Variants in RAD51B observed in about 807,000 individuals in gnomAD.
RAD51B encodes the protein RAD51 paralog B.
A neutral mutation model predicts 42.2 loss-of-function variants in RAD51B; 38 were observed. That is an observed-to-expected ratio of 0.90 (90% CI 0.70 to 1.18). The LOEUF (loss-of-function observed/expected upper bound fraction) is 1.18, where lower values mean the gene tolerates loss of function less well. RAD51B is among the 50% of genes most tolerant of loss of function. RAD51B has a pLI of 0.00. For missense variants in RAD51B, 373 were observed against 400.7 expected, an observed-to-expected ratio of 0.93 and a Z score of 0.59; for synonymous variants, 154 against 145.2, an observed-to-expected ratio of 1.06 and a Z score of -0.43.
chr14:68,231,150 G>A (rs1224279903), intron 7 of RAD51B, among the ~76,000 whole-genome samples: 4 of 152,204 alleles, frequency 2.6e-5, no homozygotes, highest in Non-Finnish European at 4.4e-5. Context: ...ATTTTAAAAG[G>A]AGGATGACAC....
At chr14:67,993,982 C>G (rs1320179126) in intron 7 of RAD51B, among the ~76,000 whole-genome samples, 1 of 152,116 alleles carries the variant, frequency 6.6e-6, no homozygotes, top group South Asian at 2.1e-4. Context: ...TATATAATAA[C>G]AGCTGTATTA....
At chr14:67,823,391 A>G in intron 1 of RAD51B, 151 bp from the exon 2 acceptor site, 1 of 567,486 alleles carries the variant, frequency 1.8e-6, no homozygotes, top group South Asian at 2.6e-5. Flanking sequence ...GCATTCCTTT[A>G]TCAGTAATAT....
chr14:68,352,795 G>C (rs1283775944), intron 8 of RAD51B, among the ~76,000 whole-genome samples: 1 of 152,296 alleles, frequency 6.6e-6, no homozygotes, highest in Non-Finnish European at 1.5e-5. Flanking sequence ...GTTCTTCTAA[G>C]TCTGTGCTTG....
At chr14:68,382,466 C>T (rs1242279161) in intron 8 of RAD51B, among the ~76,000 whole-genome samples, 1 of 151,444 alleles carries the variant, frequency 6.6e-6, no homozygotes, top group Non-Finnish European at 1.5e-5. Flanking sequence ...GGGTTCTACT[C>T]CAGACATTCC....
exon 11 of RAD51B, chr14:68,594,655 C>T: frequency 7.8e-7 from 1 of 1,281,350 alleles, no homozygotes; most frequent in Admixed American, 2.4e-5. Context: ...TCTCAAACTC[C>T]TGGCTTCAAG....
At chr14:67,851,660 A>G (rs1386331459) in intron 4 of RAD51B, among the ~76,000 whole-genome samples, 3 of 151,582 alleles carry the variant, frequency 2.0e-5, no homozygotes. Context: ...TGGGGGGTGT[A>G]CCTGGGAAGA....
At chr14:68,564,342 G>A (rs2140026019) in intron 10 of RAD51B, among the ~76,000 whole-genome samples, 1 of 152,336 alleles carries the variant, frequency 6.6e-6, no homozygotes, top group Admixed American at 6.5e-5. Context: ...CAGCTTGGCT[G>A]GTCTCCTTTT....
intron 8 of RAD51B, among the ~76,000 whole-genome samples, chr14:68,305,504 G>A (rs1285325909): frequency 6.6e-6 from 1 of 152,186 alleles, no homozygotes; most frequent in African/African-American, 2.4e-5. Context: ...GTTACAAAAA[G>A]AAGGAAAATC....
intron 9 of RAD51B, among the ~76,000 whole-genome samples, chr14:68,433,229 G>A (rs2085058170): frequency 6.6e-6 from 1 of 152,098 alleles, no homozygotes; most frequent in Non-Finnish European, 1.5e-5. Context: ...ATGTGTCTTG[G>A]AGTTGCTCTT....
chr14:68,113,451 A>G (rs1376644884), intron 7 of RAD51B, among the ~76,000 whole-genome samples: 1 of 152,128 alleles, frequency 6.6e-6, no homozygotes, highest in African/African-American at 2.4e-5. Context: ...CTCTCAATGT[A>G]AATGTGATAC....
intron 7 of RAD51B, among the ~76,000 whole-genome samples, chr14:68,040,265 G>A (rs1167949067): frequency 6.6e-6 from 1 of 152,182 alleles, no homozygotes; most frequent in Non-Finnish European, 1.5e-5. Flanking sequence ...TTGACTTCAA[G>A]GAGCTTGCTA....
intron 10 of RAD51B, among the ~76,000 whole-genome samples, chr14:68,644,926 A>G (rs1566962821): frequency 6.6e-6 from 1 of 152,186 alleles, no homozygotes; most frequent in Non-Finnish European, 1.5e-5. Flanking sequence ...TGTTTTATAT[A>G]CTTGAGATTA....
At chr14:68,115,424 T>C (rs1203939081) in intron 7 of RAD51B, among the ~76,000 whole-genome samples, 2 of 104,660 alleles carry the variant, frequency 1.9e-5, no homozygotes, top group South Asian at 4.1e-4. Context: ...AGGGATAGCA[T>C]TGGGAGATAT....
intron 8 of RAD51B, among the ~76,000 whole-genome samples, chr14:68,374,578 G>T (rs910001464): frequency 6.6e-6 from 1 of 151,894 alleles, no homozygotes; most frequent in Non-Finnish European, 1.5e-5. Context: ...CACCTTTATA[G>T]CCCTAACCAC....
At chr14:67,827,409 C>T (rs1204948715) in intron 3 of RAD51B, among the ~76,000 whole-genome samples, 3 of 152,070 alleles carry the variant, frequency 2.0e-5, no homozygotes, top group South Asian at 2.1e-4. Flanking sequence ...CTATGGTTTA[C>T]ATTCATTCTT....
At chr14:67,906,710 TTG>T (rs2043791638) in intron 7 of RAD51B, among the ~76,000 whole-genome samples, 1 of 152,080 alleles carries the variant, frequency 6.6e-6, no homozygotes, top group African/African-American at 2.4e-5. Flanking sequence ...TCTGAGGGTT[TTG>T]TGTATTTCTG....
At chr14:68,379,958 C>G (rs1439407185) in intron 8 of RAD51B, among the ~76,000 whole-genome samples, 1 of 152,202 alleles carries the variant, frequency 6.6e-6, no homozygotes, top group Non-Finnish European at 1.5e-5. Flanking sequence ...TACTCACATA[C>G]TCATAAATGC....
At chr14:67,834,288 T>A (rs1366648628) in intron 3 of RAD51B, among the ~76,000 whole-genome samples, 1 of 151,936 alleles carries the variant, frequency 6.6e-6, no homozygotes, top group African/African-American at 2.4e-5. Context: ...TGATTATCCC[T>A]TCATCTCAAG....
intron 8 of RAD51B, among the ~76,000 whole-genome samples, chr14:68,328,694 T>G (rs888701697): frequency 5.3e-5 from 8 of 151,986 alleles, no homozygotes; most frequent in Non-Finnish European, 2.9e-5. Context: ...TTTCAGTGCT[T>G]GGTTTAGAAA....
Sources: allele counts gnomAD v4.1 joint callset (sites outside exome capture counted in the v4.1 genomes callset), GRCh38; gene constraint gnomAD v4.1.1; transcripts MANE v1.5; gene names NCBI Gene and HGNC (gene_info 2026-07-23, HGNC 2026-07-21).